SH3BGRL: variants seen among roughly 807,000 people sequenced by gnomAD.
The protein encoded by SH3BGRL is adapter SH3BGRL.
In SH3BGRL, 7 loss-of-function variants were observed where a neutral mutation model predicts 9.8. The observed-to-expected ratio is 0.72, with a 90% CI of 0.41 to 1.35. SH3BGRL has a LOEUF of 1.35. SH3BGRL is among the 40% of genes most tolerant of loss of function. SH3BGRL has a pLI of 0.01. For missense variants in SH3BGRL, 73 were observed against 84.4 expected, an observed-to-expected ratio of 0.86 and a Z score of 0.53; for synonymous variants, 36 against 29.1, an observed-to-expected ratio of 1.24 and a Z score of -0.76.
intron 1 of SH3BGRL, among the ~76,000 whole-genome samples, chrX:81,214,661 A>G (rs1269497187): frequency 8.9e-6 from 1 of 112,120 alleles, no homozygotes; most frequent in Non-Finnish European, 1.9e-5. Flanking sequence ...ATATTTTTAT[A>G]TTGTTCTACT....
At chrX:81,236,362 G>A in intron 1 of SH3BGRL, among the ~76,000 whole-genome samples, 1 of 111,715 alleles carries the variant, frequency 9.0e-6, no homozygotes, top group East Asian at 2.8e-4. Flanking sequence ...CTACAATCAA[G>A]GTGAAGACAA....
intron 1 of SH3BGRL, among the ~76,000 whole-genome samples, chrX:81,246,557 A>G (rs2075689492): frequency 8.9e-6 from 1 of 111,915 alleles, no homozygotes; most frequent in African/African-American, 3.2e-5. Context: ...CATTTATTGA[A>G]TAGGAAGTTC....
chrX:81,285,800 T>C (rs1257642621), intron 3 of SH3BGRL, among the ~76,000 whole-genome samples: 1 of 111,694 alleles, frequency 9.0e-6, no homozygotes, highest in Non-Finnish European at 1.9e-5. Flanking sequence ...TATATGTAAA[T>C]GAGCTACAGA....
chrX:81,217,597 C>T (rs2075585304), intron 1 of SH3BGRL, among the ~76,000 whole-genome samples: 1 of 111,107 alleles, frequency 9.0e-6, no homozygotes, highest in African/African-American at 3.3e-5. Context: ...CAATCTTATT[C>T]CACTGTGGTC....
intron 3 of SH3BGRL, among the ~76,000 whole-genome samples, chrX:81,293,507 A>G (rs1204729985): frequency 1.8e-5 from 2 of 111,204 alleles, no homozygotes; most frequent in Non-Finnish European, 3.8e-5. Flanking sequence ...ACATGCTGAA[A>G]CCCTGTCTCT....
At chrX:81,209,012 T>G (rs1033248708) in intron 1 of SH3BGRL, among the ~76,000 whole-genome samples, 6 of 102,490 alleles carry the variant, frequency 5.9e-5, no homozygotes, top group Non-Finnish European at 9.9e-5. Flanking sequence ...GTTTTTTTTT[T>G]TTTTTTTTTT....
intron 3 of SH3BGRL, among the ~76,000 whole-genome samples, chrX:81,292,834 A>T (rs920524821): frequency 7.2e-5 from 8 of 111,668 alleles, no homozygotes; most frequent in African/African-American, 2.3e-4. Flanking sequence ...ATGTCCAATC[A>T]TTTGGCTTCC....
intron 3 of SH3BGRL, among the ~76,000 whole-genome samples, chrX:81,279,201 T>A (rs1457987308): frequency 1.8e-5 from 2 of 112,388 alleles, no homozygotes; most frequent in Admixed American, 1.9e-4. Flanking sequence ...TTACTAGTAC[T>A]GTGTTCATGT....
chrX:81,207,978 C>T (rs1018534881), intron 1 of SH3BGRL, among the ~76,000 whole-genome samples: 4 of 111,417 alleles, frequency 3.6e-5, no homozygotes, highest in African/African-American at 6.5e-5. Context: ...TTATCTGGGC[C>T]GGGCACGGTG....
chrX:81,238,792 C>CAGAGAGAGAGAGAG (rs766291990), intron 1 of SH3BGRL, among the ~76,000 whole-genome samples: 18 of 91,455 alleles, frequency 2.0e-4, no homozygotes, highest in East Asian at 3.9e-4. Context: ...TAGTGCAGAA[C>CAGAGAGAGAGAGAG]AGAGAGAGAG....
intron 1 of SH3BGRL, among the ~76,000 whole-genome samples, chrX:81,209,638 A>C (rs1569356308): frequency 9.0e-6 from 1 of 111,359 alleles, no homozygotes; most frequent in East Asian, 2.9e-4. Context: ...GAAATTGTCA[A>C]TACTACATAA....
rs1241831495 is a variant in SH3BGRL, at chrX:81,298,544, A to G, written c.*1317A>G. 1 of 111,827 alleles carries G rather than the reference A, an allele frequency of 8.9e-6. No individual in the cohort carries two copies. Among genetic ancestry groups the G allele is most frequent in the African/African-American group, 3.2e-5 (1 of 30,908 alleles). The allele number at this position is 111,827 out of a possible 1,213,427, so 9.2% of individuals were successfully genotyped here. A position where few individuals can be genotyped will look rare whatever the true frequency, so the allele number is the denominator to read the frequency against. ...AAATAAACTCAGTACTTTTAGAAACATAACTTATGTGTTCTTGGAGTTTAT... is the reference window on the plus strand; with the variant it reads ...AAATAAACTCAGTACTTTTAGAAACGTAACTTATGTGTTCTTGGAGTTTAT... On this transcript the variant is annotated 3_prime_UTR_variant, in exon 4 of 4. Transcript: ENST00000373212.
chrX:81,224,315 G>A (rs2075609877), intron 1 of SH3BGRL, among the ~76,000 whole-genome samples: 1 of 111,119 alleles, frequency 9.0e-6, no homozygotes, highest in Non-Finnish European at 1.9e-5. Flanking sequence ...AAGGGCCTTA[G>A]GGAAATGGGT....
intron 1 of SH3BGRL, among the ~76,000 whole-genome samples, chrX:81,204,062 C>T (rs1317600353): frequency 9.0e-6 from 1 of 111,539 alleles, no homozygotes; most frequent in East Asian, 2.8e-4. Flanking sequence ...CTGTAGTCTT[C>T]AGTGTCTATT....
intron 1 of SH3BGRL, among the ~76,000 whole-genome samples, chrX:81,234,680 A>G (rs2075642385): frequency 8.9e-6 from 1 of 112,132 alleles, no homozygotes; most frequent in African/African-American, 3.2e-5. Context: ...GTCTCCCACT[A>G]AAATCATTAA....
chrX:81,228,939 C>A (rs962260216), intron 1 of SH3BGRL, among the ~76,000 whole-genome samples: 1 of 111,404 alleles, frequency 9.0e-6, no homozygotes, highest in Non-Finnish European at 1.9e-5. Flanking sequence ...GTTCAAAATT[C>A]GATATTACTG....
intron 1 of SH3BGRL, among the ~76,000 whole-genome samples, chrX:81,254,296 A>G (rs898347773): frequency 1.8e-5 from 2 of 111,614 alleles, no homozygotes; most frequent in Admixed American, 9.5e-5. Context: ...TATTTAACCA[A>G]TTAGGTAATA....
rs2075859368 is a variant in SH3BGRL, at chrX:81,291,978, G to A, written c.313-5217G>A. 4.5e-5 allele frequency among the ~76,000 whole-genome samples: 5 copies of A among 111,480 alleles called. No homozygotes were observed. The Admixed American group carries it at 4.7e-4, about 10-fold the overall frequency. ...TGCAGCTCTGCAGGGTACAGCCTTG[G>A]CAACTGCACTCATGGGCTGGTGATG... On this transcript the variant is annotated intron_variant, in intron 3 of 3. Coordinates refer to ENST00000373212, the MANE Select transcript of SH3BGRL (RefSeq NM_003022.3).
intron 1 of SH3BGRL, among the ~76,000 whole-genome samples, chrX:81,241,737 G>C (rs2075670595): frequency 8.9e-6 from 1 of 112,208 alleles, no homozygotes; most frequent in Non-Finnish European, 1.9e-5. Context: ...CCAGAGATGT[G>C]ACATCCTCTT....
Sources: gnomAD v4.1 joint callset for allele counts (sites outside exome capture counted in the v4.1 genomes callset) on GRCh38, gnomAD v4.1.1 for gene constraint, MANE v1.5 for transcripts, NCBI Gene and HGNC (gene_info 2026-07-23, HGNC 2026-07-21) for gene names.